The following ARHGAP35 variants were observed in gnomAD, a reference collection of about 807,000 sequenced individuals.
The protein encoded by ARHGAP35 is rho GTPase-activating protein 35.
In ARHGAP35, 15 loss-of-function variants were observed where a neutral mutation model predicts 111.1. The ratio of observed to expected loss-of-function variants is 0.13; its 90% CI spans 0.09 to 0.21. The LOEUF (loss-of-function observed/expected upper bound fraction) is 0.21. Among genes scored for constraint, ARHGAP35 ranks in the 10% least tolerant of loss-of-function variants. The pLI is 1.00. For missense variants in ARHGAP35, 1,262 were observed against 1,873.0 expected (o/e 0.67, Z 6.02); for synonymous variants, 643 against 710.3 (o/e 0.91, Z 1.51).
chr19:46,885,696 A>G (rs2055990178), intron 1 of ARHGAP35, among the ~76,000 whole-genome samples: 1 of 152,154 alleles, frequency 6.6e-6, no homozygotes, highest in South Asian at 2.1e-4. Context: ...TTACTTGTTA[A>G]AGATTTCCAG....
intron 3 of ARHGAP35, among the ~76,000 whole-genome samples, chr19:46,982,231 C>T (rs972847806): frequency 7.9e-5 from 12 of 151,480 alleles, no homozygotes; most frequent in Admixed American, 5.9e-4. Context: ...AATCCCAGCA[C>T]TTTGGGAGGC....
At chr19:46,914,250 A>G (rs1354304002) in intron 1 of ARHGAP35, among the ~76,000 whole-genome samples, 1 of 152,136 alleles carries the variant, frequency 6.6e-6, no homozygotes. Context: ...AACCACTTCC[A>G]TGCCAGCTGA....
In ARHGAP35 at chr19:46,921,224, G is replaced by A. The variant is rs562764311; in HGVS notation, c.2549G>A (p.Arg850Gln). The A allele has an allele frequency of 1.7e-5, 28 of 1,613,966 alleles. No individual in the cohort carries two copies. Among genetic ancestry groups the A allele is most frequent in the African/African-American group, 1.5e-4 (11 of 75,014 alleles). The stretch of plus-strand genomic sequence containing the variant: ...TCCTCCTTTAGCATCAGAAAGAGCC[G>A]GTTGGTTCATGGGTACATTGTTTTT... Reference protein sequence around the residue: ...YHSSFSIRKSRLVHGYIVFYS... With the variant: ...YHSSFSIRKSQLVHGYIVFYS... Residue 850 changes from arginine to glutamine, a missense_variant, in exon 2 of 7, where the codon CGG becomes CAG. Arg to Gln is a conservative substitution (Grantham distance 43, BLOSUM62 1). Coordinates refer to ENST00000672722, the MANE Select transcript of ARHGAP35 (RefSeq NM_004491.5). The surrounding 1 kb of genome is among the most constrained non-coding windows in gnomAD (Gnocchi z 4.3).
Position 47,004,268 on chromosome 19 carries a change from G to A in ARHGAP35, c.*3580G>A, listed in dbSNP as rs2122378299. On this transcript the variant is annotated 3_prime_UTR_variant, in exon 7 of 7. Transcript: ENST00000672722. Reference sequence around the variant, plus strand: ...CCAGGTCAGAAAGTGGCCCAGGAAGGGGGCAGTTTCTGTCGCGGGTCCGGT... The same window carrying A: ...CCAGGTCAGAAAGTGGCCCAGGAAGAGGGCAGTTTCTGTCGCGGGTCCGGT... 1 of 152,300 alleles carries A rather than the reference G, an allele frequency of 6.6e-6. No homozygotes were observed. Among genetic ancestry groups the A allele is most frequent in the African/African-American group, 2.4e-5 (1 of 41,520 alleles). 9.4% of individuals were successfully genotyped at this position (152,300 alleles called of 1,614,324 possible). A position where few individuals can be genotyped will look rare whatever the true frequency, so the allele number is the denominator to read the frequency against.
chr19:46,887,698 G>A (rs2055999205), intron 1 of ARHGAP35, among the ~76,000 whole-genome samples: 1 of 151,980 alleles, frequency 6.6e-6, no homozygotes, highest in Non-Finnish European at 1.5e-5. Context: ...CAAAATCCAT[G>A]CTTCTGGGCC....
chr19:46,887,513 G>C (rs1437838694), intron 1 of ARHGAP35, among the ~76,000 whole-genome samples: 4 of 152,186 alleles, frequency 2.6e-5, no homozygotes, highest in African/African-American at 9.7e-5. Context: ...TTATTCCAGA[G>C]TAAGAAATTG....
rs1404558904 is a variant in ARHGAP35 at position 46,999,025 on chromosome 19, C to G, written c.4037-279C>G. 9.7e-6 allele frequency: 4 copies of G among 411,468 alleles called. No individual in the cohort carries two copies. Among genetic ancestry groups the G allele is most frequent in the Non-Finnish European group, 1.3e-5 (3 of 230,726 alleles). 25.5% of individuals were successfully genotyped at this position (411,468 alleles called of 1,614,324 possible). A position where few individuals can be genotyped will look rare whatever the true frequency, so the allele number is the denominator to read the frequency against. ...AATGGTGTTCTTTATGGCGGAGTGT[C>G]TCCAGATTGTTCTGTCTTGGGTGGT... is the stretch of plus-strand genomic sequence containing the variant. On this transcript the variant is annotated intron_variant, in intron 5 of 6. Coordinates refer to ENST00000672722, the MANE Select transcript of ARHGAP35 (RefSeq NM_004491.5). The surrounding 1 kb of genome is among the most constrained non-coding windows in gnomAD (Gnocchi z 5.4).
intron 3 of ARHGAP35, among the ~76,000 whole-genome samples, chr19:46,987,035 T>C (rs1392165240): frequency 6.7e-6 from 1 of 149,274 alleles, no homozygotes; most frequent in Non-Finnish European, 1.5e-5. Context: ...TCCATGTTGG[T>C]CAGGCTGGTC....
intron 1 of ARHGAP35, among the ~76,000 whole-genome samples, chr19:46,865,425 C>T (rs1006581854): frequency 1.3e-5 from 2 of 152,124 alleles, no homozygotes; most frequent in African/African-American, 4.8e-5. Context: ...TGATGAAGGT[C>T]GATGCATTTA....
chr19:46,921,244 G>C lies in ARHGAP35; in HGVS notation c.2569G>C (p.Val857Leu). ...RKSRLVHGYIVFYSAKRKASL... is the reference protein window; with the variant it reads ...RKSRLVHGYILFYSAKRKASL... ...GAGCCGGTTGGTTCATGGGTACATT[G>C]TTTTTTATTCAGCCAAACGTAAGGC... is the stretch of plus-strand genomic sequence containing the variant. The change falls in exon 2 of 7, where the codon GTT (valine) becomes CTT (leucine). Residue 857 changes from valine (V) to leucine (L), a missense_variant. Coordinates refer to ENST00000672722, the MANE Select transcript of ARHGAP35 (RefSeq NM_004491.5). The surrounding 1 kb of genome is among the most constrained non-coding windows in gnomAD (Gnocchi z 4.3). 4 of 1,613,984 alleles carry C rather than the reference G, an allele frequency of 2.5e-6. No individual in the cohort carries two copies. The highest frequency in any genetic ancestry group is 3.4e-6 in the Non-Finnish European group (4 of 1,179,898).
chr19:46,894,804 T>C (rs1156671438), intron 1 of ARHGAP35, among the ~76,000 whole-genome samples: 1 of 152,138 alleles, frequency 6.6e-6, no homozygotes, highest in Non-Finnish European at 1.5e-5. Context: ...TGTCATGTCT[T>C]ACTCTGCCGT....
rs2055946961 is a variant in ARHGAP35, at chr19:46,879,587, A to AAATAAATAAATAAAT, written c.-189+18380_-189+18381insTAAATAAATAAATAA. 4.6e-5 allele frequency among the ~76,000 whole-genome samples: 4 copies of AAATAAATAAATAAAT among 87,678 alleles called. No homozygotes were observed. In the East Asian group the frequency reaches 7.4e-4, roughly 16 times the overall value. 57.5% of individuals were successfully genotyped at this position (87,678 alleles called of 152,430 possible). On this transcript the variant is annotated intron_variant, in intron 1 of 6. Transcript: ENST00000672722. ...GGACAACAGAGTGAGACTCCATCTC[A>AAATAAATAAATAAAT]AAATAAATAAATAAATAAATAAATA... is the stretch of plus-strand genomic sequence containing the variant.
At chr19:46,885,351 A>G (rs1249820457) in intron 1 of ARHGAP35, among the ~76,000 whole-genome samples, 1 of 152,226 alleles carries the variant, frequency 6.6e-6, no homozygotes, top group Non-Finnish European at 1.5e-5. Flanking sequence ...AACTCAAGGA[A>G]TCCACATAAC....
chr19:46,962,910 C>T (rs1256556270), intron 3 of ARHGAP35, among the ~76,000 whole-genome samples: 1 of 152,174 alleles, frequency 6.6e-6, no homozygotes, highest in Non-Finnish European at 1.5e-5. Context: ...TGCGCCCGGC[C>T]TCAACCTCTC....
chr19:46,967,279 C>T (rs311365), intron 3 of ARHGAP35, among the ~76,000 whole-genome samples: 94,440 of 151,918 alleles, frequency 0.62, 29,870 homozygotes, highest in Middle Eastern at 0.8. Context: ...CAGCCCTCAC[C>T]GTTACCATTT....
intron 1 of ARHGAP35, among the ~76,000 whole-genome samples, chr19:46,894,978 G>A (rs535619465): frequency 2.0e-5 from 3 of 152,236 alleles, no homozygotes; most frequent in African/African-American, 7.2e-5. Context: ...CAGACCCTTA[G>A]GATTTATGTG....
At position 46,968,158 on chromosome 19, in the gene ARHGAP35, G is replaced by A. The variant is rs61301462; in HGVS notation, c.3827-19831G>A. ...CCTCTCCCCTCAAAAGCTTCATTCA[G>A]TGGTGGAAACGTGGAATTGTATACA... On this transcript the variant is annotated intron_variant, in intron 3 of 6. Transcript: ENST00000672722. Among the ~76,000 whole-genome samples, 26 of 152,314 alleles carry A rather than the reference G, an allele frequency of 1.7e-4. No homozygotes were observed. In the East Asian group the frequency reaches 4.4e-3, roughly 26 times the overall value.
At chr19:46,916,996 C>T (rs1402754156) in intron 1 of ARHGAP35, among the ~76,000 whole-genome samples, 5 of 151,394 alleles carry the variant, frequency 3.3e-5, no homozygotes, top group Non-Finnish European at 7.4e-5. Flanking sequence ...TGTTAAAATA[C>T]ACAAAACATA....
At chr19:46,940,801 G>A (rs2056342411) in intron 3 of ARHGAP35, among the ~76,000 whole-genome samples, 1 of 152,036 alleles carries the variant, frequency 6.6e-6, no homozygotes, top group African/African-American at 2.4e-5. Context: ...ATCAAGTTCT[G>A]GGTTTGCACT....
Sources: gnomAD v4.1 joint callset for allele counts (sites outside exome capture counted in the v4.1 genomes callset) on GRCh38, gnomAD v4.1.1 for gene constraint, Gnocchi (gnomAD v3.1) non-coding constraint, MANE v1.5 for transcripts, NCBI Gene and HGNC (gene_info 2026-07-23, HGNC 2026-07-21) for gene names.